Variants in TAS2R1 observed in about 807,000 individuals in gnomAD.
The protein encoded by TAS2R1 is taste 2 receptor member 1.
For synonymous variants in TAS2R1, 141 were observed against 134.2 expected (o/e 1.05, Z -0.35); for missense variants, 370 against 353.4 (o/e 1.05, Z -0.38).
At chr5:9,826,504 T>C in the TAS2R1 span, among the ~76,000 whole-genome samples, 1 of 152,238 alleles carries the variant, frequency 6.6e-6, no homozygotes, top group East Asian at 1.9e-4. Context: ...TTGCACTTTT[T>C]ATTTTTACAA....
the TAS2R1 span, among the ~76,000 whole-genome samples, chr5:9,859,306 T>C: frequency 6.6e-6 from 1 of 152,112 alleles, no homozygotes; most frequent in Admixed American, 6.5e-5. Context: ...AGGTATAAAA[T>C]GATTTAGATG....
At chr5:9,716,276 A>T (rs964634357), upstream of TAS2R1, among the ~76,000 whole-genome samples, 1 of 152,090 alleles carries the variant, frequency 6.6e-6, no homozygotes, top group Non-Finnish European at 1.5e-5. Flanking sequence ...GGAAACTGGG[A>T]TTCAATCTGT....
the TAS2R1 span, among the ~76,000 whole-genome samples, chr5:9,891,754 C>T: frequency 6.6e-6 from 1 of 152,218 alleles, no homozygotes; most frequent in Non-Finnish European, 1.5e-5. Flanking sequence ...ACTCGTATTA[C>T]ACCCAGTACC....
At chr5:9,799,388 G>A in the TAS2R1 span, among the ~76,000 whole-genome samples, 1 of 152,160 alleles carries the variant, frequency 6.6e-6, no homozygotes, top group African/African-American at 2.4e-5. Flanking sequence ...ATTTAGCCAG[G>A]CTGCATCAAA....
the TAS2R1 span, among the ~76,000 whole-genome samples, chr5:9,755,380 G>A: frequency 6.6e-6 from 1 of 152,086 alleles, no homozygotes; most frequent in Non-Finnish European, 1.5e-5. Context: ...CTGAGCTCAG[G>A]AGTTTGGGAC....
intron 2 of TAS2R1, among the ~76,000 whole-genome samples, chr5:9,654,563 C>A (rs1740371667): frequency 6.6e-6 from 1 of 152,022 alleles, no homozygotes; most frequent in Non-Finnish European, 1.5e-5. Flanking sequence ...ATAATCAGCC[C>A]ATGGGAATAA....
the TAS2R1 span, among the ~76,000 whole-genome samples, chr5:9,783,982 A>C: frequency 6.6e-6 from 1 of 152,202 alleles, no homozygotes; most frequent in Non-Finnish European, 1.5e-5. Flanking sequence ...ATGACCTTGG[A>C]CAAATGACTT....
the TAS2R1 span, among the ~76,000 whole-genome samples, chr5:9,744,162 G>C: frequency 1.3e-5 from 2 of 151,998 alleles, no homozygotes; most frequent in Admixed American, 6.6e-5. Context: ...TCCCTTCTTT[G>C]AATTTCTAAA....
chr5:9,846,799 T>G, the TAS2R1 span, among the ~76,000 whole-genome samples: 3 of 152,196 alleles, frequency 2.0e-5, no homozygotes, highest in Non-Finnish European at 4.4e-5. Flanking sequence ...TGCCCCTAAG[T>G]TGACCAATTG....
At chr5:9,699,929 TA>T (rs1486972463) in intron 1 of TAS2R1, among the ~76,000 whole-genome samples, 4 of 152,160 alleles carry the variant, frequency 2.6e-5, no homozygotes, top group African/African-American at 7.2e-5. Context: ...GAATCACAAG[TA>T]TGCATCCCTG....
intron 2 of TAS2R1, among the ~76,000 whole-genome samples, chr5:9,651,140 TG>T (rs1451641470): frequency 6.6e-6 from 1 of 152,158 alleles, no homozygotes; most frequent in Non-Finnish European, 1.5e-5. Context: ...AAATTCCAAA[TG>T]GAAAAATTGA....
the TAS2R1 span, among the ~76,000 whole-genome samples, chr5:9,757,347 A>C: frequency 1.3e-5 from 2 of 152,296 alleles, no homozygotes; most frequent in Admixed American, 1.3e-4. Context: ...CATGACCTCT[A>C]GTATAGTCTC....
chr5:9,865,565 T>C, the TAS2R1 span, among the ~76,000 whole-genome samples: 6 of 152,266 alleles, frequency 3.9e-5, no homozygotes, highest in African/African-American at 1.4e-4. Flanking sequence ...CTTTGCTGTT[T>C]TCTTTAACAC....
the TAS2R1 span, among the ~76,000 whole-genome samples, chr5:9,765,181 G>A: frequency 3.9e-5 from 6 of 152,222 alleles, no homozygotes; most frequent in African/African-American, 1.4e-4. Context: ...ACACTGAGCA[G>A]ATGGCTCTTC....
At chr5:9,661,304 A>G (rs531649466) in intron 1 of TAS2R1, among the ~76,000 whole-genome samples, 1 of 152,326 alleles carries the variant, frequency 6.6e-6, no homozygotes, top group African/African-American at 2.4e-5. Flanking sequence ...TTTCTATACT[A>G]AAAGCATCAG....
intron 1 of TAS2R1, among the ~76,000 whole-genome samples, chr5:9,685,867 G>A (rs1741114130): frequency 6.6e-6 from 1 of 152,084 alleles, no homozygotes; most frequent in African/African-American, 2.4e-5. Context: ...CTTTTCGTTT[G>A]TTTGTTTTTG....
rs2126472038 is a variant in TAS2R1 at position 9,629,062 on chromosome 5, G to A, written c.*71C>T. On this transcript the variant is annotated 3_prime_UTR_variant, in exon 1 of 1. Transcript: ENST00000382492. The stretch of plus-strand genomic sequence containing the variant: ...ATTTATGAACAGGCTGCTTTGTCTG[G>A]CTGAGGGAAGTGTGGCAGGCATGGG... 1 of 1,453,186 alleles carries A rather than the reference G, an allele frequency of 6.9e-7. No homozygotes were observed. Among genetic ancestry groups the A allele is most frequent in the Non-Finnish European group, 9.2e-7 (1 of 1,089,986 alleles). The allele number at this position is 1,453,186 out of a possible 1,614,324, so 90.0% of individuals were successfully genotyped here.
At chr5:9,801,489 G>T in the TAS2R1 span, among the ~76,000 whole-genome samples, 1 of 152,202 alleles carries the variant, frequency 6.6e-6, no homozygotes, top group Non-Finnish European at 1.5e-5. Context: ...TTGGCTCCAA[G>T]AACTACTACA....
rs80090531 is a variant in TAS2R1 at position 9,644,610 on chromosome 5, G to A, written c.-80-14618C>T. On this transcript the variant is annotated intron_variant, in intron 2 of 2. Coordinates refer to the TAS2R1 transcript ENST00000506620. ...GTCATGGATGGTAAGTTTGGAGTTT[G>A]TGGGAACTATCAAGTTTGGAAATAT... Among the ~76,000 whole-genome samples the A allele has an allele frequency of 1.6e-3, 239 of 152,258 alleles. 2 individuals carry two copies. Among genetic ancestry groups the A allele is most frequent in the African/African-American group, 5.6e-3 (232 of 41,558 alleles).
Sources: allele counts gnomAD v4.1 joint callset (sites outside exome capture counted in the v4.1 genomes callset), GRCh38; gene constraint gnomAD v4.1.1; transcripts MANE v1.5; gene names NCBI Gene and HGNC (gene_info 2026-07-23, HGNC 2026-07-21).